Variants in ADGRG6 observed in about 807,000 individuals in gnomAD.
ADGRG6 encodes G-protein coupled receptor 126.
Under a neutral mutation model 142.4 loss-of-function variants are expected in ADGRG6, and 84 were observed. The observed-to-expected ratio is 0.59, with a 90% CI of 0.49 to 0.71. The LOEUF (loss-of-function observed/expected upper bound fraction) is 0.71. Among genes scored for constraint, ADGRG6 ranks in the 30% least tolerant of loss-of-function variants. The pLI, the probability that ADGRG6 is intolerant of heterozygous loss-of-function variation, is 0.00. For synonymous variants in ADGRG6, 521 were observed against 520.5 expected (o/e 1.00, Z -0.01); for missense variants, 1,367 against 1,466.6 (o/e 0.93, Z 1.11).
intron 2 of ADGRG6, among the ~76,000 whole-genome samples, chr6:142,311,112 G>C (rs1777750369): frequency 6.6e-6 from 1 of 151,818 alleles, no homozygotes; most frequent in South Asian, 2.1e-4. Context: ...TTAGGCTAAA[G>C]AAAAGGAATC....
intron 6 of ADGRG6, among the ~76,000 whole-genome samples, chr6:142,385,029 G>C (rs9496361): frequency 6.6e-6 from 1 of 151,632 alleles, no homozygotes; most frequent in Non-Finnish European, 1.5e-5. Context: ...CCAGTAGATG[G>C]GAATATTATA....
chr6:142,377,314 CTGAT>C (rs994523579), intron 4 of ADGRG6, among the ~76,000 whole-genome samples: 21 of 152,208 alleles, frequency 1.4e-4, no homozygotes, highest in African/African-American at 4.8e-4. Flanking sequence ...CTCCACCTCA[CTGAT>C]TGATTCCCAG....
At chr6:142,372,257 T>C (rs997652297) in intron 4 of ADGRG6, among the ~76,000 whole-genome samples, 4 of 152,238 alleles carry the variant, frequency 2.6e-5, no homozygotes, top group African/African-American at 9.6e-5. Flanking sequence ...AAATGTCATA[T>C]GACTAAATCT....
At chr6:142,336,316 TTA>T (rs1779313649) in intron 2 of ADGRG6, among the ~76,000 whole-genome samples, 1 of 152,226 alleles carries the variant, frequency 6.6e-6, no homozygotes, top group Non-Finnish European at 1.5e-5. Flanking sequence ...TGAAATACTG[TTA>T]TGTGTGCAGT....
At chr6:142,400,676 T>C in intron 11 of ADGRG6, 80 bp downstream of exon 11, 1 of 732,328 alleles carries the variant, frequency 1.4e-6, no homozygotes, top group South Asian at 1.5e-5. Context: ...ACGGTAGTTC[T>C]TAGGCATTAT....
At chr6:142,396,354 T>C (rs774872720) in intron 9 of ADGRG6, among the ~76,000 whole-genome samples, 10 of 152,170 alleles carry the variant, frequency 6.6e-5, no homozygotes, top group Non-Finnish European at 1.3e-4. Flanking sequence ...ATGCGAATGG[T>C]AAGCAGTAGA....
In ADGRG6 at chr6:142,370,421, T is replaced by C; in HGVS notation, c.697T>C (p.Leu233=). The C allele has an allele frequency of 6.2e-7, 1 of 1,613,744 alleles. No individual in the cohort carries two copies. Among genetic ancestry groups the C allele is most frequent in the Non-Finnish European group, 8.5e-7 (1 of 1,179,710 alleles). ...ATCCATTTCTGATTCAAAATGTTTG[T>C]TGAATAATGCATTACCTGTCAAAGA... The part of the protein sequence containing the change: ...FLSISDSKCL[L]NNALPVKEKE... Residue 233 remains leucine, a synonymous_variant, in exon 4 of 25, where the codon TTG becomes CTG. Coordinates refer to ENST00000367609, the MANE Select transcript of ADGRG6 (RefSeq NM_198569.3).
At position 142,443,514 on chromosome 6, in the gene ADGRG6, A is replaced by G. The variant is rs2115229468; in HGVS notation, c.3752A>G (p.Ter1251=). 2.5e-6 allele frequency: 4 copies of G among 1,601,642 alleles called. No homozygotes were observed. Among genetic ancestry groups the G allele is most frequent in the Middle Eastern group, 1.7e-4 (1 of 6,004 alleles). The part of the protein sequence containing the change: ...SDTFSHSTKF[*] Reference sequence around the variant, plus strand: ...ACCTTCAGCCACAGCACAAAGTTTTAATGTCTTTAAGAAAAAGAAATCAAT... The same window carrying G: ...ACCTTCAGCCACAGCACAAAGTTTTGATGTCTTTAAGAAAAAGAAATCAAT... The change falls in exon 25 of 25, where the codon TAA becomes TGA. Residue 1251 remains the stop codon, a stop_retained_variant. Coordinates refer to ENST00000367609, the MANE Select transcript of ADGRG6 (RefSeq NM_198569.3).
At chr6:142,357,243 C>G (rs1780489294) in intron 2 of ADGRG6, among the ~76,000 whole-genome samples, 1 of 151,984 alleles carries the variant, frequency 6.6e-6, no homozygotes, top group Non-Finnish European at 1.5e-5. Context: ...CTCTTCCCCT[C>G]TCTCTCTCAT....
At chr6:142,411,435 A>C in intron 18 of ADGRG6, 24 bp downstream of exon 18, 286 of 1,142,542 alleles carry the variant, frequency 2.5e-4, no homozygotes, top group Non-Finnish European at 3.6e-4. Flanking sequence ...TTCTAAGCTC[A>C]TTTTGACATG....
chr6:142,435,987 A>T (rs980689493), intron 22 of ADGRG6, among the ~76,000 whole-genome samples: 2 of 151,786 alleles, frequency 1.3e-5, no homozygotes, highest in African/African-American at 4.8e-5. Flanking sequence ...AATTAAAGGG[A>T]TGTGTGTGTG....
At chr6:142,441,273 G>T (rs906075494) in intron 24 of ADGRG6, among the ~76,000 whole-genome samples, 2 of 152,136 alleles carry the variant, frequency 1.3e-5, no homozygotes, top group African/African-American at 4.8e-5. Flanking sequence ...AGAAGGACAT[G>T]AAATGCTTTA....
At chr6:142,407,170 TAAAA>T (rs11414768) in intron 15 of ADGRG6, among the ~76,000 whole-genome samples, 4 of 121,030 alleles carry the variant, frequency 3.3e-5, no homozygotes, top group Non-Finnish European at 3.4e-5. Flanking sequence ...CCCGTCTCTT[TAAAA>T]AAAAAAAAAA....
At chr6:142,397,369 T>A (rs1775252443) in intron 9 of ADGRG6, among the ~76,000 whole-genome samples, 1 of 152,110 alleles carries the variant, frequency 6.6e-6, no homozygotes, top group Non-Finnish European at 1.5e-5. Context: ...AAAATATTTC[T>A]GAAAAGAAAT....
intron 2 of ADGRG6, among the ~76,000 whole-genome samples, chr6:142,349,393 A>T (rs1460348399): frequency 6.6e-6 from 1 of 152,216 alleles, no homozygotes; most frequent in Non-Finnish European, 1.5e-5. Context: ...GCCCCCATGT[A>T]GCTGGAATGC....
chr6:142,358,058 T>C (rs1252756651), intron 2 of ADGRG6, among the ~76,000 whole-genome samples: 1 of 152,220 alleles, frequency 6.6e-6, no homozygotes, highest in East Asian at 1.9e-4. Context: ...TTATGTGCTG[T>C]TTAGCCAGTA....
intron 2 of ADGRG6, among the ~76,000 whole-genome samples, chr6:142,317,478 C>G (rs539107258): frequency 1.6e-4 from 24 of 151,322 alleles, no homozygotes; most frequent in South Asian, 1.2e-3. Flanking sequence ...TAATCAGAGT[C>G]CCCTCATTTC....
At chr6:142,430,919 T>G (rs530429226) in intron 22 of ADGRG6, among the ~76,000 whole-genome samples, 220 of 152,274 alleles carry the variant, frequency 1.4e-3, no homozygotes, top group Non-Finnish European at 2.2e-3. Flanking sequence ...CTAGGAGTAT[T>G]AGACAAGTTG....
At chr6:142,363,945 G>A (rs75512516) in intron 2 of ADGRG6, among the ~76,000 whole-genome samples, 1,806 of 151,288 alleles carry the variant, frequency 0.012, 37 homozygotes, top group African/African-American at 0.041. Flanking sequence ...TTTAAAAAAC[G>A]TCTCTTAAAG....
Sources: allele counts gnomAD v4.1 joint callset (sites outside exome capture counted in the v4.1 genomes callset), GRCh38; gene constraint gnomAD v4.1.1; transcripts MANE v1.5; gene names NCBI Gene and HGNC (gene_info 2026-07-23, HGNC 2026-07-21).